The following VPS13B variants were observed in gnomAD, a reference collection of about 807,000 sequenced individuals.
The protein encoded by VPS13B is vacuolar protein sorting 13 homolog B, also known as intermembrane lipid transfer protein VPS13B.
A neutral mutation model predicts 426.4 loss-of-function variants in VPS13B; 285 were observed. That is an observed-to-expected ratio of 0.67 (90% CI 0.61 to 0.74). The LOEUF (loss-of-function observed/expected upper bound fraction) is 0.74. Ranked by LOEUF, VPS13B falls within the 30% of genes least tolerant of loss-of-function variation. The pLI is 0.00. For missense variants in VPS13B, 4,537 were observed against 4,782.6 expected (o/e 0.95, Z 1.51); for synonymous variants, 1,676 against 1,676.4 (o/e 1.00, Z 0.01).
At chr8:99,453,729 AT>A (rs898222716) in intron 23 of VPS13B, among the ~76,000 whole-genome samples, 1 of 152,020 alleles carries the variant, frequency 6.6e-6, no homozygotes, top group Non-Finnish European at 1.5e-5. Flanking sequence ...TTTTTAGACT[AT>A]TTTTTTAAAG....
chr8:99,844,303 T>A (rs1815862119), intron 54 of VPS13B, among the ~76,000 whole-genome samples: 1 of 151,816 alleles, frequency 6.6e-6, no homozygotes, highest in Non-Finnish European at 1.5e-5. Context: ...TCCTAGTTCA[T>A]GGATGACCAT....
At chr8:99,516,838 A>G (rs1174241329) in intron 29 of VPS13B, among the ~76,000 whole-genome samples, 1 of 149,438 alleles carries the variant, frequency 6.7e-6, no homozygotes, top group East Asian at 2.0e-4. Context: ...AGTTGTTTTA[A>G]TAAGTGTGAA....
At chr8:99,711,694 A>G (rs1175509444) in intron 36 of VPS13B, among the ~76,000 whole-genome samples, 3 of 152,208 alleles carry the variant, frequency 2.0e-5, no homozygotes, top group South Asian at 4.1e-4. Flanking sequence ...AACAGAGTCA[A>G]TATTAGAAAT....
chr8:99,472,477 ATTAT>A (rs1819466324), intron 24 of VPS13B, among the ~76,000 whole-genome samples: 1 of 151,698 alleles, frequency 6.6e-6, no homozygotes, highest in Non-Finnish European at 1.5e-5. Flanking sequence ...CAAAGACATA[ATTAT>A]TTGGGAAATT....
At chr8:99,346,269 A>G (rs1811534081) in intron 19 of VPS13B, 1 of 152,192 alleles carries the variant, frequency 6.6e-6, no homozygotes, top group East Asian at 1.9e-4. Flanking sequence ...TTGTCATGTC[A>G]GTAAAGGTAA....
chr8:99,662,987 G>T, intron 35 of VPS13B, among the ~76,000 whole-genome samples: 1 of 152,278 alleles, frequency 6.6e-6, no homozygotes, highest in Middle Eastern at 3.4e-3. Flanking sequence ...GAACTGGGAG[G>T]CAAAGGTTGC....
chr8:99,274,282 A>G lies in VPS13B; in HGVS notation c.2600A>G (p.Lys867Arg), dbSNP rs768034831. 7 of 1,614,112 alleles carry G rather than the reference A, an allele frequency of 4.3e-6. No homozygotes were observed. Among genetic ancestry groups the G allele is most frequent in the Non-Finnish European group, 5.1e-6 (6 of 1,179,994 alleles). The change falls in exon 18 of 62, where the codon AAA becomes AGA. Residue 867 changes from lysine to arginine, a missense_variant. Coordinates refer to ENST00000357162, the MANE Select transcript of VPS13B (RefSeq NM_152564.5). ...ELKYCSTSLV[K>R]CASGTMGSIK... ...AAGTACTGCAGCACATCATTGGTCA[A>G]ATGTGCCTCTGGGACCATGGGATCA...
chr8:99,675,144 T>C (rs1352257278), intron 35 of VPS13B, among the ~76,000 whole-genome samples: 1 of 152,094 alleles, frequency 6.6e-6, no homozygotes, highest in Non-Finnish European at 1.5e-5. Context: ...CTCCCTCAGC[T>C]TTTGTTTGTC....
At chr8:99,867,968 A>G (rs1329049732) in intron 58 of VPS13B, 2 of 365,244 alleles carry the variant, frequency 5.5e-6, no homozygotes, top group Admixed American at 7.7e-5. Context: ...CCTCTCTCTC[A>G]ACTTTGTTGC....
At chr8:99,046,413 A>AT (rs369513181) in intron 3 of VPS13B, among the ~76,000 whole-genome samples, 2,436 of 148,950 alleles carry the variant, frequency 0.016, 38 homozygotes, top group South Asian at 0.058. Flanking sequence ...ACTTTGTTGA[A>AT]TTTTTTTTTT....
At chr8:99,419,232 C>T (rs1816245214) in intron 21 of VPS13B, among the ~76,000 whole-genome samples, 1 of 152,144 alleles carries the variant, frequency 6.6e-6, no homozygotes. Flanking sequence ...TATCTCTTTC[C>T]TGCCACCATG....
At chr8:99,311,120 G>A (rs757364183) in intron 19 of VPS13B, among the ~76,000 whole-genome samples, 1 of 152,082 alleles carries the variant, frequency 6.6e-6, no homozygotes, top group African/African-American at 2.4e-5. Context: ...CAAAAAACCA[G>A]GTCCTGGATT....
chr8:99,677,243 T>C (rs912396831), intron 35 of VPS13B, among the ~76,000 whole-genome samples: 1 of 152,266 alleles, frequency 6.6e-6, no homozygotes, highest in Non-Finnish European at 1.5e-5. Context: ...CTAAGGCCTA[T>C]ACCTTAATCA....
intron 15 of VPS13B, among the ~76,000 whole-genome samples, chr8:99,165,180 G>C (rs904806748): frequency 5.3e-5 from 8 of 152,216 alleles, no homozygotes; most frequent in African/African-American, 1.7e-4. Context: ...TATCATTTTT[G>C]TGGTGAGAAC....
intron 19 of VPS13B, among the ~76,000 whole-genome samples, chr8:99,366,170 C>T (rs1267076311): frequency 6.6e-6 from 1 of 152,114 alleles, no homozygotes; most frequent in Non-Finnish European, 1.5e-5. Flanking sequence ...TCTGACAGAT[C>T]TCTCCAGTGC....
intron 43 of VPS13B, among the ~76,000 whole-genome samples, chr8:99,808,122 GTT>G (rs1298196866): frequency 1.3e-5 from 2 of 151,976 alleles, no homozygotes; most frequent in African/African-American, 4.8e-5. Flanking sequence ...CTAATTGGGA[GTT>G]TTTCATGAGA....
At chr8:99,059,733 T>C (rs1844076277) in intron 3 of VPS13B, among the ~76,000 whole-genome samples, 1 of 146,584 alleles carries the variant, frequency 6.8e-6, no homozygotes, top group Admixed American at 6.7e-5. Context: ...GCTTCTGCTT[T>C]TTTTTTTTTT....
chr8:99,235,048 C>A (rs990285618), intron 17 of VPS13B, among the ~76,000 whole-genome samples: 5 of 152,130 alleles, frequency 3.3e-5, no homozygotes, highest in African/African-American at 1.2e-4. Flanking sequence ...TAGAATTTTA[C>A]AAGAGTGCTT....
chr8:99,086,483 T>C (rs542027171), intron 3 of VPS13B, among the ~76,000 whole-genome samples: 1 of 152,352 alleles, frequency 6.6e-6, no homozygotes, highest in South Asian at 2.1e-4. Context: ...TCCGTCCAGC[T>C]TTGTTCCATT....
Sources: allele counts gnomAD v4.1 joint callset (sites outside exome capture counted in the v4.1 genomes callset), GRCh38; gene constraint gnomAD v4.1.1; transcripts MANE v1.5; gene names NCBI Gene and HGNC (gene_info 2026-07-23, HGNC 2026-07-21).